KLHDC4: variants seen among roughly 807,000 people sequenced by gnomAD.
KLHDC4 encodes the protein kelch domain-containing protein 4.
Under a neutral mutation model 62.4 loss-of-function variants are expected in KLHDC4, and 90 were observed. The observed-to-expected ratio is 1.44, with a 90% CI of 1.22 to 1.72. The LOEUF (loss-of-function observed/expected upper bound fraction) is 1.72. Among genes scored for constraint, KLHDC4 ranks in the 40% most tolerant of loss-of-function variants. KLHDC4 has a pLI of 0.00. For missense variants in KLHDC4, 1,025 were observed against 699.7 expected (o/e 1.47, Z -5.25); for synonymous variants, 386 against 284.4 (o/e 1.36, Z -3.59).
At chr16:87,732,253 G>A (rs1013876988) in intron 5 of KLHDC4, among the ~76,000 whole-genome samples, 1 of 151,906 alleles carries the variant, frequency 6.6e-6, no homozygotes, top group Non-Finnish European at 1.5e-5. Flanking sequence ...CTGCCACCAC[G>A]ACCAGCTAAT....
intron 7 of KLHDC4, among the ~76,000 whole-genome samples, chr16:87,716,175 T>C (rs112103155): frequency 2.1e-5 from 3 of 144,486 alleles, no homozygotes; most frequent in Non-Finnish European, 4.6e-5. Context: ...CTCGTGGATA[T>C]TGACGTAGAC....
At chr16:87,711,965 G>T (rs921358533) in intron 8 of KLHDC4, among the ~76,000 whole-genome samples, 9 of 149,556 alleles carry the variant, frequency 6.0e-5, no homozygotes, top group African/African-American at 2.0e-4. Context: ...CCTGCAAGGG[G>T]ACCCTTCGCC....
At chr16:87,750,331 G>C (rs1416432949) in intron 4 of KLHDC4, 4 of 152,384 alleles carry the variant, frequency 2.6e-5, no homozygotes, top group Non-Finnish European at 5.9e-5. Flanking sequence ...CCTCAGTGCT[G>C]CATCTCCACA....
chr16:87,706,872 GC>G (rs771059048), downstream of KLHDC4, among the ~76,000 whole-genome samples: 3 of 152,206 alleles, frequency 2.0e-5, no homozygotes, highest in Non-Finnish European at 4.4e-5. Context: ...GGCCAAGGGA[GC>G]GGGGAGGTGC....
chr16:87,720,059 T>G (rs1229691257), intron 7 of KLHDC4, among the ~76,000 whole-genome samples: 2 of 152,208 alleles, frequency 1.3e-5, no homozygotes, highest in East Asian at 3.9e-4. Context: ...GAGTCCTCAA[T>G]GCAGCTGCTT....
chr16:87,725,007 C>T (rs910105615), intron 7 of KLHDC4, among the ~76,000 whole-genome samples: 2 of 152,230 alleles, frequency 1.3e-5, no homozygotes, highest in African/African-American at 4.8e-5. Context: ...TATAATGGAA[C>T]ACTTCAGCAC....
chr16:87,747,135 G>C (rs1354454644), intron 5 of KLHDC4, among the ~76,000 whole-genome samples: 2 of 152,236 alleles, frequency 1.3e-5, no homozygotes, highest in African/African-American at 4.8e-5. Flanking sequence ...GAAGGCACGA[G>C]AGAGCCCTCA....
At chr16:87,736,432 G>A (rs1441806573) in intron 5 of KLHDC4, among the ~76,000 whole-genome samples, 2 of 152,176 alleles carry the variant, frequency 1.3e-5, no homozygotes, top group Admixed American at 6.5e-5. Context: ...AGCAATTCCT[G>A]CCGGATCCCT....
intron 7 of KLHDC4, among the ~76,000 whole-genome samples, chr16:87,719,649 C>T (rs1031080844): frequency 1.1e-4 from 16 of 149,910 alleles, no homozygotes; most frequent in African/African-American, 3.9e-4. Flanking sequence ...CGAGAAACAC[C>T]CAAGAATGAT....
chr16:87,740,670 A>G (rs1468415043), intron 5 of KLHDC4: 1 of 152,194 alleles, frequency 6.6e-6, no homozygotes, highest in Non-Finnish European at 1.5e-5. Flanking sequence ...ATAACCGCAG[A>G]CAGACTTTCA....
At chr16:87,735,992 G>A (rs926208890) in intron 5 of KLHDC4, among the ~76,000 whole-genome samples, 13 of 152,214 alleles carry the variant, frequency 8.5e-5, no homozygotes, top group African/African-American at 3.1e-4. Flanking sequence ...CACTCTGCAT[G>A]CAAACGCTTC....
chr16:87,764,290 G>A (rs2046288262), intron 1 of KLHDC4, among the ~76,000 whole-genome samples: 1 of 152,094 alleles, frequency 6.6e-6, no homozygotes, highest in African/African-American at 2.4e-5. Flanking sequence ...TCTCTCTTAA[G>A]GGAAGCTACT....
chr16:87,711,502 C>G lies in KLHDC4; in HGVS notation c.836-59G>C. On this transcript the variant is annotated intron_variant, in intron 8 of 11. Transcript: ENST00000270583. ...CACAAGGAAGGACCCTGAGAGCCAG[C>G]CCAGGACACGCTCAGGACCCCAGGT... 4.1e-6 allele frequency: 6 copies of G among 1,467,454 alleles called. No individual in the cohort carries two copies. The South Asian group carries it at 6.4e-5, about 16-fold the overall frequency. The allele number at this position is 1,467,454 out of a possible 1,614,324, so 90.9% of individuals were successfully genotyped here.
intron 4 of KLHDC4, among the ~76,000 whole-genome samples, chr16:87,752,163 C>T (rs1293347644): frequency 6.8e-6 from 1 of 146,908 alleles, no homozygotes; most frequent in Admixed American, 6.8e-5. Context: ...TCCCAGCTCT[C>T]AGGGAAGCAG....
In KLHDC4 at chr16:87,743,866, C is replaced by A. The variant is rs1267729338; in HGVS notation, c.506+4807G>T. ...TAAATTCTTAAATAAATAAAAAAACCAAATGGAGACATACACAATGCTCCC... is the reference window on the plus strand; with the variant it reads ...TAAATTCTTAAATAAATAAAAAAACAAAATGGAGACATACACAATGCTCCC... On this transcript the variant is annotated intron_variant, in intron 5 of 11. Coordinates refer to ENST00000270583, the MANE Select transcript of KLHDC4 (RefSeq NM_017566.4). Among the ~76,000 whole-genome samples, 3 of 152,222 alleles carry A rather than the reference C, an allele frequency of 2.0e-5. No homozygotes were observed. In the East Asian group the frequency reaches 5.8e-4, roughly 29 times the overall value.
chr16:87,765,217 G>C (rs1378794959), intron 1 of KLHDC4: 3 of 455,944 alleles, frequency 6.6e-6, no homozygotes, highest in East Asian at 7.0e-5. Context: ...CTGAGGACCA[G>C]AGGGAAGGAG....
intron 2 of KLHDC4, among the ~76,000 whole-genome samples, chr16:87,758,507 T>C (rs984944014): frequency 3.3e-5 from 5 of 152,034 alleles, no homozygotes; most frequent in African/African-American, 1.2e-4. Flanking sequence ...CAATTCACAG[T>C]GACAGAAAGT....
intron 1 of KLHDC4, 129 bp from the exon 2 acceptor site, chr16:87,762,169 T>G (rs532552633): frequency 1.8e-5 from 27 of 1,483,932 alleles, no homozygotes; most frequent in Non-Finnish European, 2.3e-5. Context: ...TGCAACATAC[T>G]GTGCCTGTTT....
chr16:87,748,759 C>G lies in KLHDC4; in HGVS notation c.420G>C (p.Glu140Asp). The change falls in exon 5 of 12, where the codon GAG becomes GAC. Residue 140 changes from glutamate to aspartate, a missense_variant. Coordinates refer to ENST00000270583, the MANE Select transcript of KLHDC4 (RefSeq NM_017566.4). The stretch of plus-strand genomic sequence containing the variant: ...ACTGCTCTCCGTTGGGAGAGGCAAA[C>G]TCCCCTCCAAAGACCCACAGCTGTC... ...GGGQLWVFGG[E>D]FASPNGEQFY... is the part of the protein sequence containing the mutation. 1.2e-6 allele frequency: 2 copies of G among 1,613,456 alleles called. No individual in the cohort carries two copies. Among genetic ancestry groups the G allele is most frequent in the Non-Finnish European group, 1.7e-6 (2 of 1,179,868 alleles).
Sources: gnomAD v4.1 joint callset for allele counts (sites outside exome capture counted in the v4.1 genomes callset) on GRCh38, gnomAD v4.1.1 for gene constraint, MANE v1.5 for transcripts, NCBI Gene and HGNC (gene_info 2026-07-23, HGNC 2026-07-21) for gene names.